Variants in TANC1 observed in about 807,000 individuals in gnomAD.
TANC1 encodes the protein protein TANC1.
Under a neutral mutation model 149.7 loss-of-function variants are expected in TANC1, and 77 were observed. That is an observed-to-expected ratio of 0.51 (90% confidence interval 0.43 to 0.62). The LOEUF (loss-of-function observed/expected upper bound fraction) is 0.62, where lower values mean the gene tolerates loss of function less well. Among genes scored for constraint, TANC1 ranks in the 20% least tolerant of loss-of-function variants. TANC1 has a pLI of 0.00. For missense variants in TANC1, 1,985 were observed against 2,321.8 expected (o/e 0.85, Z 2.98); for synonymous variants, 854 against 925.0 (o/e 0.92, Z 1.39).
chr2:159,033,261 G>A (rs915863207), intron 2 of TANC1, among the ~76,000 whole-genome samples: 47 of 152,302 alleles, frequency 3.1e-4, no homozygotes, highest in African/African-American at 1.1e-3. Context: ...TGGGATCCAA[G>A]TGGGATTCAA....
At chr2:158,989,813 C>T (rs1473258428) in intron 1 of TANC1, among the ~76,000 whole-genome samples, 1 of 152,048 alleles carries the variant, frequency 6.6e-6, no homozygotes, top group Non-Finnish European at 1.5e-5. Flanking sequence ...ATGGAAAGAT[C>T]AGTGATTCTG....
chr2:159,226,309 T>G (rs1357727077), intron 24 of TANC1: 5 of 165,674 alleles, frequency 3.0e-5, no homozygotes, highest in Non-Finnish European at 6.4e-5. Context: ...AGCTAATCCT[T>G]GAGGTTGTAG....
chr2:159,118,666 C>A (rs2048544570), intron 4 of TANC1, among the ~76,000 whole-genome samples: 1 of 152,136 alleles, frequency 6.6e-6, no homozygotes, highest in Admixed American at 6.5e-5. Context: ...AAGGAGAAAG[C>A]ATTTTTGGCC....
intron 2 of TANC1, among the ~76,000 whole-genome samples, chr2:159,053,459 G>A (rs572922855): frequency 3.5e-4 from 54 of 152,334 alleles, no homozygotes; most frequent in African/African-American, 1.3e-3. Flanking sequence ...TATGGGAAGA[G>A]ATGATGCTGT....
chr2:159,088,938 T>G (rs1168490997), intron 3 of TANC1, among the ~76,000 whole-genome samples: 1 of 152,210 alleles, frequency 6.6e-6, no homozygotes, highest in East Asian at 1.9e-4. Flanking sequence ...TCTCTTTCCT[T>G]TCACTAATAA....
chr2:159,171,986 T>C, intron 10 of TANC1, 135 bp from the exon 11 acceptor site: 1 of 761,724 alleles, frequency 1.3e-6, no homozygotes, highest in Non-Finnish European at 2.1e-6. Context: ...TGTGCTCTCA[T>C]GTGGACCTCT....
intron 3 of TANC1, among the ~76,000 whole-genome samples, chr2:159,070,988 T>C (rs913911422): frequency 8.5e-5 from 13 of 152,218 alleles, no homozygotes; most frequent in African/African-American, 3.1e-4. Context: ...TCACAGTTGG[T>C]AGTGTTTCTG....
At chr2:159,039,996 G>A (rs2040502231) in intron 2 of TANC1, among the ~76,000 whole-genome samples, 2 of 152,156 alleles carry the variant, frequency 1.3e-5, no homozygotes, top group Admixed American at 1.3e-4. Context: ...AAGTCTCTTT[G>A]TAGGTCTCTA....
chr2:158,989,714 TATC>T (rs2035412412), intron 1 of TANC1, among the ~76,000 whole-genome samples: 5 of 151,900 alleles, frequency 3.3e-5, no homozygotes, highest in African/African-American at 1.2e-4. Context: ...GCCCTTAGAG[TATC>T]CATAATAATT....
Position 159,037,623 on chromosome 2 carries a change from GT to G in TANC1, c.-15-28271del, listed in dbSNP as rs368884525. Among the ~76,000 whole-genome samples, 144 of 152,246 alleles carry G rather than the reference GT, an allele frequency of 9.5e-4. 1 individual carries two copies. In the Middle Eastern group the frequency reaches 0.034, roughly 36 times the overall value. Reference sequence around the variant, plus strand: ...TTATCAAATAGGGAATCCTTTCCGTGTTCCTTGTTTTTGTCAGGTTTGTCAA... The same window carrying G: ...TTATCAAATAGGGAATCCTTTCCGTGTCCTTGTTTTTGTCAGGTTTGTCAA... On this transcript the variant is annotated intron_variant, in intron 2 of 26. Coordinates refer to ENST00000263635, the MANE Select transcript of TANC1 (RefSeq NM_033394.3).
Position 159,149,194 on chromosome 2 carries a change from G to A in TANC1, c.417G>A (p.Leu139=), listed in dbSNP as rs764270156. 1 of 1,613,800 alleles carries A rather than the reference G, an allele frequency of 6.2e-7. No homozygotes were observed. The highest frequency in any genetic ancestry group is 1.1e-5 in the South Asian group (1 of 91,014). The change falls in exon 6 of 27, where the codon TTG becomes TTA. Residue 139 remains leucine, a synonymous_variant. Transcript: ENST00000263635. ...PSCSPAAQEL[L]TRLGFLLGEG... Reference sequence around the variant, plus strand: ...GTTCGCCGGCAGCTCAAGAACTGTTGACAAGGCTGGGATTTTTACTGGGAG... The same window carrying A: ...GTTCGCCGGCAGCTCAAGAACTGTTAACAAGGCTGGGATTTTTACTGGGAG...
At chr2:159,210,136 C>G (rs73967239) in intron 19 of TANC1, among the ~76,000 whole-genome samples, 4,947 of 152,180 alleles carry the variant, frequency 0.033, 279 homozygotes, top group African/African-American at 0.11. Context: ...GTACTCAGTT[C>G]CAGTTTGCAG....
intron 5 of TANC1, among the ~76,000 whole-genome samples, chr2:159,141,161 A>G (rs1192553023): frequency 6.6e-6 from 1 of 152,246 alleles, no homozygotes; most frequent in Non-Finnish European, 1.5e-5. Flanking sequence ...AGATCAAGGT[A>G]GTCTGCAGAT....
chr2:159,212,477 C>T (rs2059054192), intron 19 of TANC1, among the ~76,000 whole-genome samples: 1 of 152,170 alleles, frequency 6.6e-6, no homozygotes, highest in Non-Finnish European at 1.5e-5. Flanking sequence ...TTCATCCCTA[C>T]CCTTCACAGT....
intron 25 of TANC1, 183 bp downstream of exon 25, chr2:159,228,148 A>G (rs1215301004): frequency 4.6e-6 from 3 of 648,080 alleles, no homozygotes; most frequent in Non-Finnish European, 7.8e-6. Context: ...CACGGCTGCT[A>G]CGCTCCTCGC....
chr2:159,184,470 C>G (rs913562448), intron 14 of TANC1, among the ~76,000 whole-genome samples: 2 of 152,084 alleles, frequency 1.3e-5, no homozygotes, highest in African/African-American at 2.4e-5. Flanking sequence ...TGGTCATCAC[C>G]CTGTAAAGTG....
chr2:159,052,529 C>G (rs2149598644), intron 2 of TANC1, among the ~76,000 whole-genome samples: 1 of 152,260 alleles, frequency 6.6e-6, no homozygotes, highest in South Asian at 2.1e-4. Flanking sequence ...TTCCCAGCTT[C>G]CAGAACTGTG....
intron 3 of TANC1, among the ~76,000 whole-genome samples, chr2:159,067,627 A>G (rs1051996334): frequency 2.0e-5 from 3 of 152,178 alleles, no homozygotes; most frequent in Non-Finnish European, 4.4e-5. Context: ...GTCACCAATC[A>G]TGGGAACTTT....
At chr2:159,101,149 C>T (rs555845774) in intron 4 of TANC1, among the ~76,000 whole-genome samples, 6 of 152,296 alleles carry the variant, frequency 3.9e-5, no homozygotes, top group African/African-American at 1.4e-4. Context: ...GCCAATTCCT[C>T]TCTTGTTCAA....
Sources: gnomAD v4.1 joint callset for allele counts (sites outside exome capture counted in the v4.1 genomes callset) on GRCh38, gnomAD v4.1.1 for gene constraint, MANE v1.5 for transcripts, NCBI Gene and HGNC (gene_info 2026-07-23, HGNC 2026-07-21) for gene names.